Variants in PIP5K1C observed in about 807,000 individuals in gnomAD.
The protein encoded by PIP5K1C is phosphatidylinositol 4-phosphate 5-kinase type-1 gamma.
Under a neutral mutation model 80.1 loss-of-function variants are expected in PIP5K1C, and 45 were observed. The ratio of observed to expected loss-of-function variants is 0.56; its 90% confidence interval spans 0.44 to 0.72. The LOEUF is 0.72. PIP5K1C is among the 30% of genes least tolerant of loss of function. The pLI is 0.00. For synonymous variants in PIP5K1C, 498 were observed against 420.1 expected (o/e 1.19, Z -2.27); for missense variants, 753 against 954.6 (o/e 0.79, Z 2.78).
chr19:3,663,204 T>C (rs983869500), intron 3 of PIP5K1C, among the ~76,000 whole-genome samples: 2 of 147,034 alleles, frequency 1.4e-5, no homozygotes, highest in Non-Finnish European at 3.0e-5. Flanking sequence ...GTTTGCATTA[T>C]TCTCACTGTG....
At chr19:3,658,872 C>T (rs139459170) in intron 5 of PIP5K1C, among the ~76,000 whole-genome samples, 152 of 152,324 alleles carry the variant, frequency 1.0e-3, no homozygotes, top group African/African-American at 3.5e-3. Flanking sequence ...AGGCCCCATG[C>T]GTGGATTTCT....
rs918118948 is a variant in PIP5K1C, at chr19:3,661,002, G to A, written c.432C>T (p.Phe144=). 24 of 1,613,894 alleles carry A rather than the reference G, an allele frequency of 1.5e-5. No homozygotes were observed. Among genetic ancestry groups the A allele is most frequent in the South Asian group, 1.2e-4 (11 of 91,084 alleles). Residue 144 remains phenylalanine (F), a synonymous_variant, in exon 5 of 18, where the codon TTC becomes TTT. Transcript: ENST00000335312. Reference sequence around the variant, plus strand: ...CTGGCCGGATCCCAAAGAGCTCCCGGAAGTAGCGGAAGGCGACAGGTGCAT... The same window carrying A: ...CTGGCCGGATCCCAAAGAGCTCCCGAAAGTAGCGGAAGGCGACAGGTGCAT... ...KTYAPVAFRY[F]RELFGIRPDD...
chr19:3,652,158 C>T (rs1028901203), intron 7 of PIP5K1C, 127 bp from the exon 8 acceptor site: 39 of 776,470 alleles, frequency 5.0e-5, no homozygotes, highest in Admixed American at 2.9e-4. Flanking sequence ...TGGAGTCCCA[C>T]GGCCAGGCAG....
chr19:3,651,077 C>CTTTT, intron 8 of PIP5K1C, among the ~76,000 whole-genome samples: 1 of 106,968 alleles, frequency 9.3e-6, no homozygotes, highest in Non-Finnish European at 1.8e-5. Flanking sequence ...TTTTTTAAGA[C>CTTTT]AGGGTCTCAC....
Position 3,677,599 on chromosome 19 carries a change from T to C in PIP5K1C, c.95-10246A>G, listed in dbSNP as rs185435450. 1.7e-3 allele frequency among the ~76,000 whole-genome samples: 264 copies of C among 150,920 alleles called. 2 individuals are homozygous for C. Among genetic ancestry groups the C allele is most frequent in the African/African-American group, 6.0e-3 (247 of 41,016 alleles). ...CTCCCTCTCAAAAAAAAAGAGACAGTGAGTCCAGTTCAAGATGCTGAATCG... is the reference window on the plus strand; with the variant it reads ...CTCCCTCTCAAAAAAAAAGAGACAGCGAGTCCAGTTCAAGATGCTGAATCG... On this transcript the variant is annotated intron_variant, in intron 1 of 17. Coordinates refer to ENST00000335312, the MANE Select transcript of PIP5K1C (RefSeq NM_012398.3).
intron 1 of PIP5K1C, among the ~76,000 whole-genome samples, chr19:3,671,875 G>A (rs1240932952): frequency 2.0e-5 from 3 of 152,258 alleles, no homozygotes; most frequent in African/African-American, 7.2e-5. Flanking sequence ...AGCCTGAGAC[G>A]TGACTAATTA....
chr19:3,691,789 C>T (rs367948101), intron 1 of PIP5K1C, among the ~76,000 whole-genome samples: 2 of 152,202 alleles, frequency 1.3e-5, no homozygotes, highest in African/African-American at 4.8e-5. Context: ...ACAGCACCTC[C>T]GTCAACCTGG....
In PIP5K1C at chr19:3,637,355, G is replaced by A; in HGVS notation, c.1920+1529C>T. On this transcript the variant is annotated intron_variant, in intron 16 of 17. Transcript: ENST00000335312. The surrounding 1 kb of genome is among the most constrained non-coding windows in gnomAD (Gnocchi z 7.0). ...CCGAATGACATTCCCAGTGACGCAT[G>A]CAGCCCAGCGCCTGGTCCGGGGCCA... is the stretch of plus-strand genomic sequence containing the variant. 6.5e-7 allele frequency: 1 copy of A among 1,535,106 alleles called. No individual in the cohort carries two copies. The highest frequency in any genetic ancestry group is 8.7e-7 in the Non-Finnish European group (1 of 1,146,554).
At chr19:3,695,177 GA>G (rs1268724395) in intron 1 of PIP5K1C, among the ~76,000 whole-genome samples, 1 of 152,246 alleles carries the variant, frequency 6.6e-6, no homozygotes, top group East Asian at 1.9e-4. Flanking sequence ...AGCACCAGAA[GA>G]CTGGGCACCC....
chr19:3,695,210 G>A (rs531235761), intron 1 of PIP5K1C, among the ~76,000 whole-genome samples: 33 of 152,296 alleles, frequency 2.2e-4, no homozygotes, highest in African/African-American at 7.5e-4. Flanking sequence ...TGGCCCACAC[G>A]AGGTGCTCAA....
chr19:3,633,324 C>A, intron 17 of PIP5K1C, 113 bp downstream of exon 17: 14 of 790,460 alleles, frequency 1.8e-5, no homozygotes, highest in Non-Finnish European at 2.8e-5. Context: ...CTCTGGGCCA[C>A]CTGTGCCCTC....
chr19:3,653,607 C>T lies in PIP5K1C; in HGVS notation c.622-18G>A. ...TTGAGGTTCTGCCGGGGGAAGAGGG[C>T]AAGTCGTGGAGGGCGGCTGGGCCAC... On this transcript the variant is annotated intron_variant, in intron 6 of 17. Transcript: ENST00000335312. 6.3e-7 allele frequency: 1 copy of T among 1,599,766 alleles called. No individual in the cohort carries two copies. The highest frequency in any genetic ancestry group is 8.5e-7 in the Non-Finnish European group (1 of 1,170,910).
rs1599903015 is a variant in PIP5K1C at position 3,630,239 on chromosome 19, A to G, written c.*2928T>C. The G allele has an allele frequency of 6.6e-6, 1 of 152,314 alleles. No homozygotes were observed. The allele number at this position is 152,314 out of a possible 1,614,324, so 9.4% of individuals were successfully genotyped here. A position where few individuals can be genotyped will look rare whatever the true frequency, so the allele number is the denominator to read the frequency against. ...TAAAAAGACGGGGTGTGGCGGGGGT[A>G]GGTGGGCGAGGAACCTGGGATGCAA... On this transcript the variant is annotated 3_prime_UTR_variant, in exon 18 of 18. Transcript: ENST00000335312.
intron 5 of PIP5K1C, among the ~76,000 whole-genome samples, chr19:3,660,628 C>G (rs1266500606): frequency 6.6e-6 from 1 of 152,186 alleles, no homozygotes; most frequent in African/African-American, 2.4e-5. Context: ...GAAAATGGGT[C>G]AGTCACTTTG....
At chr19:3,645,831 G>A in intron 11 of PIP5K1C, 143 bp downstream of exon 11, 4 of 758,004 alleles carry the variant, frequency 5.3e-6, no homozygotes, top group South Asian at 4.1e-5. Flanking sequence ...TCCGGATGAG[G>A]CCCGGTCTGA....
intron 9 of PIP5K1C, among the ~76,000 whole-genome samples, chr19:3,647,993 G>A (rs1276789975): frequency 1.3e-5 from 2 of 151,468 alleles, no homozygotes; most frequent in Non-Finnish European, 2.9e-5. Flanking sequence ...GAGCCCCAAA[G>A]TGAGGCCTCA....
intron 9 of PIP5K1C, 79 bp from the exon 10 acceptor site, chr19:3,647,465 ACC>A: frequency 8.3e-7 from 1 of 1,200,688 alleles, no homozygotes; most frequent in Non-Finnish European, 1.2e-6. Flanking sequence ...GCCACTGTGC[ACC>A]CCCCAGGACA....
rs536894896 is a variant in PIP5K1C at position 3,636,420 on chromosome 19, C to T, written c.1920+2464G>A. 4 of 985,420 alleles carry T rather than the reference C, an allele frequency of 4.1e-6. No homozygotes were observed. In the South Asian group the frequency reaches 1.4e-4, roughly 35 times the overall value. 61.0% of individuals were successfully genotyped at this position (985,420 alleles called of 1,614,324 possible). A position where few individuals can be genotyped will look rare whatever the true frequency, so the allele number is the denominator to read the frequency against. Reference sequence around the variant, plus strand: ...CTTCCGCTTCTGCTGTGCCTGCTGCCGAGACCACCCTCCCCACGTCTGCCC... The same window carrying T: ...CTTCCGCTTCTGCTGTGCCTGCTGCTGAGACCACCCTCCCCACGTCTGCCC... On this transcript the variant is annotated intron_variant, in intron 16 of 17. Transcript: ENST00000335312.
At position 3,648,582 on chromosome 19, in the gene PIP5K1C, A is replaced by G. The variant is rs779767679; in HGVS notation, c.1211+43T>C. The stretch of plus-strand genomic sequence containing the variant: ...CGGGCGCCCACCTGTGGGACTGCAG[A>G]CCCGGGGCGTCCACCTGTAGGACTG... On this transcript the variant is annotated intron_variant, in intron 9 of 17. Coordinates refer to ENST00000335312, the MANE Select transcript of PIP5K1C (RefSeq NM_012398.3). The surrounding 1 kb of genome is among the most constrained non-coding windows in gnomAD (Gnocchi z 4.3). 7.1e-6 allele frequency: 11 copies of G among 1,545,488 alleles called. No homozygotes were observed. The highest frequency in any genetic ancestry group is 8.9e-6 in the Non-Finnish European group (10 of 1,122,182).
Sources: allele counts gnomAD v4.1 joint callset (sites outside exome capture counted in the v4.1 genomes callset), GRCh38; gene constraint gnomAD v4.1.1; non-coding constraint Gnocchi (gnomAD v3.1); transcripts MANE v1.5; gene names NCBI Gene and HGNC (gene_info 2026-07-23, HGNC 2026-07-21).